The following PLEKHJ1 variants were observed in gnomAD, a reference collection of about 807,000 sequenced individuals.
PLEKHJ1 encodes pleckstrin homology domain containing J1, also known as pleckstrin homology domain-containing family J member 1.
Under a neutral mutation model 21.7 loss-of-function variants are expected in PLEKHJ1, and 20 were observed. The observed-to-expected ratio is 0.92, with a 90% CI of 0.65 to 1.34. The LOEUF is 1.34. Ranked by LOEUF, PLEKHJ1 falls within the 40% of genes most tolerant of loss-of-function variation. The probability of loss-of-function intolerance (pLI) is 0.00; values close to 1 mark genes in which losing one functional copy is unlikely to be tolerated. For synonymous variants in PLEKHJ1, 113 were observed against 80.6 expected (o/e 1.40, Z -2.15); for missense variants, 241 against 202.0 (o/e 1.19, Z -1.17).
downstream of PLEKHJ1, chr19:2,230,699 T>C: frequency 2.5e-6 from 1 of 397,936 alleles, no homozygotes; most frequent in Non-Finnish European, 4.4e-6. Context: ...TTGACAGCTT[T>C]TATTTTTAGA....
downstream of PLEKHJ1, chr19:2,231,481 G>A (rs188077421): frequency 6.8e-3 from 1,410 of 206,400 alleles, 10 homozygotes; most frequent in Non-Finnish European, 0.011. Flanking sequence ...GGTGAGGGGG[G>A]TGCTGCCTCC....
At chr19:2,230,486 C>G, downstream of PLEKHJ1, 1 of 399,094 alleles carries the variant, frequency 2.5e-6, no homozygotes, top group East Asian at 3.6e-5. Flanking sequence ...ATGTGCTGCG[C>G]GATGGTGCTG....
rs1179679892 is a variant in PLEKHJ1 at position 2,233,773 on chromosome 19, G to A, written c.*67C>T. The stretch of plus-strand genomic sequence containing the variant: ...CCAAAACAAAACAGATCCAGGCATG[G>A]CCAAGCGATTCATGGCTGGGCAGGG... On this transcript the variant is annotated 3_prime_UTR_variant, in exon 6 of 6. Coordinates refer to ENST00000326631, the MANE Select transcript of PLEKHJ1 (RefSeq NM_018049.3). 10 of 1,441,898 alleles carry A rather than the reference G, an allele frequency of 6.9e-6. No homozygotes were observed. Among genetic ancestry groups the A allele is most frequent in the African/African-American group, 1.4e-5 (1 of 71,004 alleles). The allele number at this position is 1,441,898 out of a possible 1,614,324, so 89.3% of individuals were successfully genotyped here.
In PLEKHJ1 at chr19:2,234,028, G is replaced by A. The variant is rs1248856534; in HGVS notation, c.354C>T (p.Tyr118=). The A allele has an allele frequency of 1.5e-5, 25 of 1,613,404 alleles. No individual in the cohort carries two copies. Among genetic ancestry groups the A allele is most frequent in the Non-Finnish European group, 2.1e-5 (25 of 1,180,032 alleles). Residue 118 remains tyrosine (Y), a synonymous_variant, in exon 5 of 6, where the codon TAC becomes TAT. Coordinates refer to ENST00000326631, the MANE Select transcript of PLEKHJ1 (RefSeq NM_018049.3). The part of the protein sequence containing the change: ...YEFMRRSLIF[Y]RNEIRKVTGK... ...CCGTCACCTTCCGGATTTCGTTCCT[G>A]TAGAAGATGAGGCTTCTCCGCATGA...
downstream of PLEKHJ1, chr19:2,230,522 A>C (rs2024555530): frequency 2.5e-6 from 1 of 398,724 alleles, no homozygotes; most frequent in Non-Finnish European, 4.4e-6. Context: ...CACGTTGAAC[A>C]AGTGCATTTA....
chr19:2,230,084 C>T (rs900513527), downstream of PLEKHJ1: 3 of 596,072 alleles, frequency 5.0e-6, no homozygotes, highest in African/African-American at 3.7e-5. Flanking sequence ...ATATAAATAT[C>T]TATATATGAG....
intron 3 of PLEKHJ1, 162 bp downstream of exon 3, chr19:2,235,600 T>C (rs1477581112): frequency 3.2e-6 from 2 of 630,174 alleles, no homozygotes; most frequent in Non-Finnish European, 5.4e-6. Context: ...CCAGGAGAAC[T>C]TGACCTTGAG....
intron 3 of PLEKHJ1, chr19:2,234,443 G>C: frequency 1.8e-6 from 1 of 560,626 alleles, no homozygotes; most frequent in African/African-American, 1.9e-5. Context: ...AGGTGCGGTG[G>C]CTCATGCCTA....
chr19:2,235,397 C>G (rs538943394), intron 3 of PLEKHJ1: 1 of 247,028 alleles, frequency 4.0e-6, no homozygotes, highest in South Asian at 1.1e-4. Flanking sequence ...CCTCCTACCC[C>G]CACCTGGGAT....
chr19:2,233,733 CCCAAAAA>C lies in PLEKHJ1; in HGVS notation c.*100_*106del, dbSNP rs963269167. On this transcript the variant is annotated 3_prime_UTR_variant, in exon 6 of 6. Coordinates refer to ENST00000326631, the MANE Select transcript of PLEKHJ1 (RefSeq NM_018049.3). Reference sequence around the variant, plus strand: ...CCTGGGCAACACAGTGAAACCCTGACCCAAAAACCAAAAACCAAAACAAAACAGATCC... The same window carrying C: ...CCTGGGCAACACAGTGAAACCCTGACCCAAAAACCAAAACAAAACAGATCC... 154 of 1,083,998 alleles carry C rather than the reference CCCAAAAA, an allele frequency of 1.4e-4. No individual in the cohort carries two copies. The highest frequency in any genetic ancestry group is 2.6e-4 in the East Asian group (10 of 38,552). 67.1% of individuals were successfully genotyped at this position (1,083,998 alleles called of 1,614,324 possible).
At position 2,233,843 on chromosome 19, in the gene PLEKHJ1, C is replaced by A. The variant is rs777336293; in HGVS notation, c.447G>T (p.Ala149=). ...EARFQLSGLQ[A] is the part of the protein sequence containing the mutation. ...CGCTGACCACCGTGCCCTGCGCTCACGCCTGCAAGCCACTCAGCTGGAACC... is the reference window on the plus strand; with the variant it reads ...CGCTGACCACCGTGCCCTGCGCTCAAGCCTGCAAGCCACTCAGCTGGAACC... The change falls in exon 6 of 6, where the codon GCG becomes GCT. Residue 149 remains alanine, a synonymous_variant. Coordinates refer to ENST00000326631, the MANE Select transcript of PLEKHJ1 (RefSeq NM_018049.3). 1 of 1,607,584 alleles carries A rather than the reference C, an allele frequency of 6.2e-7. No homozygotes were observed. Among genetic ancestry groups the A allele is most frequent in the Non-Finnish European group, 8.5e-7 (1 of 1,178,588 alleles).
At chr19:2,232,238 C>T (rs373323311), downstream of PLEKHJ1, 15 of 219,702 alleles carry the variant, frequency 6.8e-5, no homozygotes, top group Middle Eastern at 2.9e-3. Context: ...GATACCCCCT[C>T]CTCGGCCCAT....
At chr19:2,230,189 C>T, downstream of PLEKHJ1, 5 of 469,098 alleles carry the variant, frequency 1.1e-5, no homozygotes, top group Middle Eastern at 5.5e-4. Context: ...CCCGCGCCTG[C>T]CTCCACCCGC....
In PLEKHJ1 at chr19:2,235,918, C is replaced by G; in HGVS notation, c.162+5G>C. On this transcript the variant is annotated splice_donor_5th_base_variant and intron_variant, in intron 2 of 5. Transcript: ENST00000326631. Reference sequence around the variant, plus strand: ...GACCCGCCCGCGCGCCCGGGACGCCCCTACCTCGGCCTCGTCTGTCCGAAA... The same window carrying G: ...GACCCGCCCGCGCGCCCGGGACGCCGCTACCTCGGCCTCGTCTGTCCGAAA... 6.2e-7 allele frequency: 1 copy of G among 1,609,078 alleles called. No homozygotes were observed. Among genetic ancestry groups the G allele is most frequent in the Non-Finnish European group, 8.5e-7 (1 of 1,178,432 alleles).
At chr19:2,230,872 C>G (rs541283017), downstream of PLEKHJ1, 90 of 335,234 alleles carry the variant, frequency 2.7e-4, no homozygotes, top group Non-Finnish European at 4.3e-4. Flanking sequence ...TGCCCCACAT[C>G]CCTTCCTGTC....
At chr19:2,234,104 G>A (rs2024706867) in intron 4 of PLEKHJ1, 43 bp from the exon 5 acceptor site, 1 of 1,612,322 alleles carries the variant, frequency 6.2e-7, no homozygotes, top group Non-Finnish European at 8.5e-7. Flanking sequence ...CGCTCTGCAT[G>A]GCTGCTGTGC....
intron 2 of PLEKHJ1, 34 bp from the exon 3 acceptor site, chr19:2,235,862 G>A (rs769682061): frequency 1.3e-6 from 2 of 1,578,710 alleles, no homozygotes; most frequent in South Asian, 2.3e-5. Flanking sequence ...ACGGGGCAGT[G>A]AGCACCCGGC....
rs1255459041 is a variant in PLEKHJ1, at chr19:2,233,730, T to A, written c.*110A>T. 2.9e-6 allele frequency: 3 copies of A among 1,022,464 alleles called. No homozygotes were observed. In the African/African-American group the frequency reaches 4.8e-5, roughly 16 times the overall value. The allele number at this position is 1,022,464 out of a possible 1,614,324, so 63.3% of individuals were successfully genotyped here. A position where few individuals can be genotyped will look rare whatever the true frequency, so the allele number is the denominator to read the frequency against. The stretch of plus-strand genomic sequence containing the variant: ...TAGCCTGGGCAACACAGTGAAACCC[T>A]GACCCAAAAACCAAAAACCAAAACA... On this transcript the variant is annotated 3_prime_UTR_variant, in exon 6 of 6. Coordinates refer to ENST00000326631, the MANE Select transcript of PLEKHJ1 (RefSeq NM_018049.3).
Position 2,233,881 on chromosome 19 carries a change from A to G in PLEKHJ1, c.409T>C (p.Ser137Pro), listed in dbSNP as rs1220484781. ...CTCAGCTGGAACCTGGCCTCCTCGG[A>G]TATGCCGAACTGTTCCAGGGGGTCC... ...GKDPLEQFGI[S>P]EEARFQLSGL... The change falls in exon 6 of 6, where the codon TCC becomes CCC. Residue 137 changes from serine to proline, a missense_variant. Coordinates refer to ENST00000326631, the MANE Select transcript of PLEKHJ1 (RefSeq NM_018049.3). 5 of 1,612,398 alleles carry G rather than the reference A, an allele frequency of 3.1e-6. No homozygotes were observed. The highest frequency in any genetic ancestry group is 3.4e-6 in the Non-Finnish European group (4 of 1,179,812).
Sources: allele counts gnomAD v4.1 joint callset, GRCh38; gene constraint gnomAD v4.1.1; transcripts MANE v1.5; gene names NCBI Gene and HGNC (gene_info 2026-07-23, HGNC 2026-07-21).